Variants in RENBP observed in about 807,000 individuals in gnomAD.
RENBP encodes N-acylglucosamine 2-epimerase.
In RENBP, 16 loss-of-function variants were observed where a neutral mutation model predicts 37.8. The ratio of observed to expected loss-of-function variants is 0.42; its 90% confidence interval spans 0.29 to 0.64. The LOEUF (loss-of-function observed/expected upper bound fraction) is 0.64, where lower values mean the gene tolerates loss of function less well. RENBP is among the 30% of genes least tolerant of loss of function. The pLI is 0.19. For missense variants in RENBP, 347 were observed against 379.5 expected (o/e 0.91, Z 0.71); for synonymous variants, 170 against 154.8 (o/e 1.10, Z -0.73).
intron 9 of RENBP, among the ~76,000 whole-genome samples, chrX:153,937,636 AT>A (rs1233533864): frequency 3.8e-5 from 4 of 104,413 alleles, no homozygotes; most frequent in African/African-American, 1.4e-4. Flanking sequence ...TTTATTTTTT[AT>A]TTTTTTTAAT....
Position 153,941,739 on chromosome X carries a change from C to T in RENBP, c.770-86G>A, listed in dbSNP as rs2065227543. 3.7e-6 allele frequency: 3 copies of T among 804,053 alleles called. No individual in the cohort carries two copies. In the African/African-American group the frequency reaches 6.3e-5, roughly 17 times the overall value. 66.3% of individuals were successfully genotyped at this position (804,053 alleles called of 1,213,427 possible). Reference sequence around the variant, plus strand: ...GAGGGAGCAAAAGCCCCTGGCACCTCTCTGCTCCCTCCCTAACAATGAGCG... The same window carrying T: ...GAGGGAGCAAAAGCCCCTGGCACCTTTCTGCTCCCTCCCTAACAATGAGCG... On this transcript the variant is annotated intron_variant, in intron 7 of 10. Transcript: ENST00000393700.
chrX:153,940,061 C>T (rs782700106), intron 9 of RENBP, 41 bp downstream of exon 9: 8 of 1,199,400 alleles, frequency 6.7e-6, no homozygotes, highest in Non-Finnish European at 9.0e-6. Context: ...CCCCCCATTC[C>T]CCCATTCAGC....
rs924754687 is a variant in RENBP, at chrX:153,940,035, G to A, written c.1077+67C>T. The A allele has an allele frequency of 5.3e-5, 61 of 1,160,040 alleles. No homozygotes were observed. The Admixed American group carries it at 6.0e-4, about 11-fold the overall frequency. Reference sequence around the variant, plus strand: ...CTGTGCTCAGCGAGGGGGCAAGAGCGCAGCCGGGCCAGACTCCCCCCATTC... The same window carrying A: ...CTGTGCTCAGCGAGGGGGCAAGAGCACAGCCGGGCCAGACTCCCCCCATTC... On this transcript the variant is annotated intron_variant, in intron 9 of 10. Transcript: ENST00000393700.
Position 153,935,492 on chromosome X carries a change from T to G in RENBP, c.1162A>C (p.Lys388Gln). ...VALSIKGGPF[K>Q]GCFHVPRCLA... ...CCCCGCCCTCTCCCCCACTCACCTT[T>G]GAAAGGACCTCCCTTGATGGAGAGG... Residue 388 changes from lysine (K) to glutamine (Q), a missense_variant, in exon 10 of 11, where the codon AAA becomes CAA. Physicochemically the swap from Lys to Gln is moderately conservative, Grantham distance 53. Around this residue, in one of 3 missense-constraint regions of RENBP, gnomAD observed 91 missense variants for 67.7 expected, o/e 1.34. Transcript: ENST00000393700. 8.3e-7 allele frequency: 1 copy of G among 1,206,635 alleles called. No homozygotes were observed. The highest frequency in any genetic ancestry group is 1.1e-6 in the Non-Finnish European group (1 of 891,452).
chrX:153,942,993 G>T lies in RENBP; in HGVS notation c.549C>A (p.Ala183=). 8.3e-7 allele frequency: 1 copy of T among 1,208,798 alleles called. No individual in the cohort carries two copies. Among genetic ancestry groups the T allele is most frequent in the Non-Finnish European group, 1.1e-6 (1 of 893,693 alleles). Reference sequence around the variant, plus strand: ...GCACCGCCATGGGCTCCGCAGCCGGGGCCCCCTGGAGCTGGGGCCGGCCCA... The same window carrying T: ...GCACCGCCATGGGCTCCGCAGCCGGTGCCCCCTGGAGCTGGGGCCGGCCCA... ...SGLGRPQLQG[A]PAAEPMAVPM... Residue 183 remains alanine (A), a synonymous_variant, in exon 6 of 11, where the codon GCC becomes GCA. Coordinates refer to ENST00000393700, the MANE Select transcript of RENBP (RefSeq NM_002910.6).
chrX:153,937,197 A>AAAAT (rs35246509), intron 9 of RENBP: 16,356 of 106,293 alleles, frequency 0.15, 1,353 homozygotes, highest in East Asian at 0.18. Context: ...CCCTGTCTCA[A>AAAAT]AAATAAATAA....
rs782421680 is a variant in RENBP at position 153,940,137 on chromosome X, G to A, written c.1042C>T (p.Leu348Phe). 2 of 1,211,312 alleles carry A rather than the reference G, an allele frequency of 1.7e-6. No individual in the cohort carries two copies. The highest frequency in any genetic ancestry group is 4.4e-5 in the Admixed American group (2 of 45,945). The change falls in exon 9 of 11, where the codon CTC becomes TTC. Residue 348 changes from leucine (L) to phenylalanine (F), a missense_variant. By Grantham distance (22) the Leu-to-Phe change is conservative (BLOSUM62 0). Transcript: ENST00000393700. ...GTGTACTCAGCCACTTGGTAGAAGAGGCGCAGCAGCACAGGGTCCCCACTG... is the reference window on the plus strand; with the variant it reads ...GTGTACTCAGCCACTTGGTAGAAGAAGCGCAGCAGCACAGGGTCCCCACTG... ...SDSGDPVLLR[L>F]FYQVAEYTFR...
chrX:153,943,449 T>C, intron 5 of RENBP, 97 bp downstream of exon 5: 1 of 911,052 alleles, frequency 1.1e-6, no homozygotes, highest in South Asian at 2.3e-5. Flanking sequence ...CACAGATGGG[T>C]CCATGGGAGG....
chrX:153,943,421 G>T, intron 5 of RENBP, 125 bp downstream of exon 5: 1 of 711,913 alleles, frequency 1.4e-6, no homozygotes, highest in Non-Finnish European at 2.1e-6. Context: ...AGCGTTCAGA[G>T]GTGAAGGGGA....
At chrX:153,944,223 A>G (rs2065239906) in intron 2 of RENBP, 68 bp from the exon 3 acceptor site, 2 of 1,177,139 alleles carry the variant, frequency 1.7e-6, no homozygotes, top group Non-Finnish European at 2.3e-6. Flanking sequence ...CTCTGGGGCC[A>G]GCAAATCTGT....
At chrX:153,939,017 C>G (rs1220389848) in intron 9 of RENBP, among the ~76,000 whole-genome samples, 1 of 109,930 alleles carries the variant, frequency 9.1e-6, no homozygotes, top group African/African-American at 3.3e-5. Context: ...TGGTCTTGAA[C>G]TCCTGACCTC....
intron 8 of RENBP, among the ~76,000 whole-genome samples, chrX:153,941,179 C>A (rs2065224761): frequency 9.2e-6 from 1 of 109,288 alleles, no homozygotes; most frequent in African/African-American, 3.3e-5. Context: ...CAACCAGCAG[C>A]CCTCAGGGCT....
rs781856166 is a variant in RENBP at position 153,944,318 on chromosome X, T to C, written c.128A>G (p.Gln43Arg). ...VAFWMEHSHD[Q>R]EHGGFFTCLG... ...GAAGCACGCCGAGTACCCGTGCTCC[T>C]GGTCGTGGGAGTGCTCCATCCAGAA... is the stretch of plus-strand genomic sequence containing the variant. Residue 43 changes from glutamine to arginine, a missense_variant, in exon 2 of 11, where the codon CAG becomes CGG. Gln to Arg is a conservative substitution (Grantham distance 43). Coordinates refer to ENST00000393700, the MANE Select transcript of RENBP (RefSeq NM_002910.6). 2 of 1,210,372 alleles carry C rather than the reference T, an allele frequency of 1.7e-6. No homozygotes were observed. Among genetic ancestry groups the C allele is most frequent in the Non-Finnish European group, 2.2e-6 (2 of 894,294 alleles).
chrX:153,942,698 G>A (rs2065232487), intron 6 of RENBP, among the ~76,000 whole-genome samples, 157 bp downstream of exon 6: 1 of 111,745 alleles, frequency 8.9e-6, no homozygotes, highest in Admixed American at 9.3e-5. Context: ...CTTGCCTGGG[G>A]CTCCGCATCC....
intron 4 of RENBP, 26 bp downstream of exon 4, chrX:153,943,869 G>A: frequency 8.5e-7 from 1 of 1,175,203 alleles, no homozygotes; most frequent in African/African-American, 1.8e-5. Context: ...GAGTCACTGG[G>A]AGATGGGCAG....
intron 9 of RENBP, among the ~76,000 whole-genome samples, chrX:153,937,731 T>C (rs1402954826): frequency 9.0e-6 from 1 of 111,375 alleles, no homozygotes; most frequent in East Asian, 2.8e-4. Context: ...TAGTTGGGAT[T>C]ACAGGCACCC....
At chrX:153,943,518 T>A (rs782246196) in intron 5 of RENBP, 28 bp downstream of exon 5, 3 of 1,183,424 alleles carry the variant, frequency 2.5e-6, no homozygotes, top group East Asian at 3.0e-5. Flanking sequence ...CAGGGTGGGG[T>A]CTTCAGGGGC....
chrX:153,942,830 C>A, intron 6 of RENBP, 25 bp downstream of exon 6: 1 of 1,155,640 alleles, frequency 8.7e-7, no homozygotes, highest in Non-Finnish European at 1.2e-6. Context: ...CCTCCCACCA[C>A]CCCAGCTCCC....
intron 9 of RENBP, among the ~76,000 whole-genome samples, chrX:153,936,457 G>C (rs375655041): frequency 3.3e-4 from 32 of 96,292 alleles, no homozygotes; most frequent in African/African-American, 1.1e-3. Flanking sequence ...AGTGAGCCAA[G>C]ATCGCGCCAC....
Sources: allele counts gnomAD v4.1 joint callset (sites outside exome capture counted in the v4.1 genomes callset), GRCh38; gene constraint gnomAD v4.1.1; regional missense constraint gnomAD v4.1.1; transcripts MANE v1.5; gene names NCBI Gene and HGNC (gene_info 2026-07-23, HGNC 2026-07-21).